SFMBT2: variants seen among roughly 807,000 people sequenced by gnomAD.
SFMBT2 encodes the protein Scm like with four mbt domains 2, also known as scm-like with four MBT domains protein 2.
SFMBT2 carries 38 observed loss-of-function variants against 110.1 expected under a neutral mutation model. The ratio of observed to expected loss-of-function variants is 0.35; its 90% CI spans 0.27 to 0.45. SFMBT2 has a LOEUF of 0.45. Ranked by LOEUF, SFMBT2 falls within the 20% of genes least tolerant of loss-of-function variation. The probability of loss-of-function intolerance (pLI) is 1.00; values close to 1 mark genes in which losing one functional copy is unlikely to be tolerated. For synonymous variants in SFMBT2, 425 were observed against 425.4 expected, an observed-to-expected ratio of 1.00 and a Z score of 0.01; for missense variants, 1,011 against 1,094.9, an observed-to-expected ratio of 0.92 and a Z score of 1.08.
chr10:7,179,391 G>GAAAA (rs57497418), intron 16 of SFMBT2, among the ~76,000 whole-genome samples: 3 of 70,300 alleles, frequency 4.3e-5, no homozygotes, highest in African/African-American at 5.3e-5. Context: ...TTGCATTTTC[G>GAAAA]AAAAAAAAAA....
intron 4 of SFMBT2, among the ~76,000 whole-genome samples, chr10:7,306,555 C>T (rs963689173): frequency 1.3e-5 from 2 of 152,074 alleles, no homozygotes; most frequent in Admixed American, 6.5e-5. Context: ...CGCTAACCCC[C>T]GCTGTAGAGT....
chr10:7,219,609 A>G, intron 11 of SFMBT2: 1 of 268,106 alleles, frequency 3.7e-6, no homozygotes. Flanking sequence ...CATAAGATTT[A>G]AACTATGAAC....
rs144072360 is a variant in SFMBT2, at chr10:7,225,959, G to C, written c.1203+1896C>G. Among the ~76,000 whole-genome samples the C allele has an allele frequency of 1.9e-3, 287 of 152,298 alleles. 4 individuals carry two copies. The highest frequency in any genetic ancestry group is 6.6e-3 in the African/African-American group (275 of 41,574). On this transcript the variant is annotated intron_variant, in intron 10 of 20. Transcript: ENST00000397167. ...TACGGTGAGAAGTCAAGACAGCACA[G>C]GACATCAAAGCTTTCAGAGTTAACC...
chr10:7,378,767 C>T (rs536848908), intron 2 of SFMBT2, among the ~76,000 whole-genome samples: 2 of 94,932 alleles, frequency 2.1e-5, no homozygotes, highest in East Asian at 3.5e-4. Flanking sequence ...GGGTGTGTCG[C>T]TGTGGGGTGG....
intron 10 of SFMBT2, 66 bp downstream of exon 10, chr10:7,227,789 G>T: frequency 7.1e-7 from 1 of 1,411,056 alleles, no homozygotes; most frequent in Non-Finnish European, 9.9e-7. Flanking sequence ...TAAAAAGCAA[G>T]TTATAAAACT....
At position 7,336,676 on chromosome 10, in the gene SFMBT2, TCA is replaced by T. The variant is rs1441825079; in HGVS notation, c.436+30971_436+30972del. On this transcript the variant is annotated intron_variant, in intron 4 of 20. Transcript: ENST00000397167. ...CTCAATCAATCAATCAATCAATCAA[TCA>T]ATCAATCAGAGAGATCCGGATAGTG... is the stretch of plus-strand genomic sequence containing the variant. Among the ~76,000 whole-genome samples the T allele has an allele frequency of 5.9e-5, 9 of 151,932 alleles. No individual in the cohort carries two copies. In the East Asian group the frequency reaches 1.7e-3, roughly 29 times the overall value.
intron 4 of SFMBT2, chr10:7,329,399 G>A: frequency 3.1e-6 from 3 of 976,308 alleles, no homozygotes; most frequent in Non-Finnish European, 3.7e-6. Context: ...GCAGCCATCA[G>A]CGCAGCACAG....
chr10:7,303,509 C>G (rs200053791), intron 4 of SFMBT2, among the ~76,000 whole-genome samples: 1 of 151,612 alleles, frequency 6.6e-6, no homozygotes, highest in Admixed American at 6.6e-5. Flanking sequence ...GAGAGAGAGA[C>G]AGAGAGACAG....
At chr10:7,284,215 G>A in intron 5 of SFMBT2, 65 bp from the exon 6 acceptor site, 8 of 1,564,338 alleles carry the variant, frequency 5.1e-6, no homozygotes, top group Non-Finnish European at 6.9e-6. Context: ...GGAAACAGAT[G>A]ACAGCAGAAG....
intron 7 of SFMBT2, among the ~76,000 whole-genome samples, chr10:7,261,431 T>C (rs543373410): frequency 6.6e-6 from 1 of 152,286 alleles, no homozygotes; most frequent in African/African-American, 2.4e-5. Flanking sequence ...AGACCTGCAG[T>C]CTCTCAGAAT....
intron 4 of SFMBT2, among the ~76,000 whole-genome samples, chr10:7,359,757 T>C (rs780675756): frequency 6.6e-5 from 10 of 152,244 alleles, no homozygotes; most frequent in Admixed American, 2.0e-4. Context: ...GAAAATATTC[T>C]GGACAGCAGC....
intron 9 of SFMBT2, among the ~76,000 whole-genome samples, chr10:7,238,145 G>A (rs1272439516): frequency 2.0e-5 from 3 of 152,142 alleles, no homozygotes; most frequent in East Asian, 1.9e-4. Context: ...GTTCTAACAC[G>A]ATCGATCTGA....
chr10:7,314,960 AAGAG>A (rs771791946), intron 4 of SFMBT2, among the ~76,000 whole-genome samples: 90 of 148,474 alleles, frequency 6.1e-4, no homozygotes, highest in East Asian at 9.8e-4. Flanking sequence ...AGAGAAAGAA[AAGAG>A]AGAGAGAGAG....
chr10:7,175,759 T>TA (rs3216735), intron 17 of SFMBT2, among the ~76,000 whole-genome samples: 80,594 of 151,944 alleles, frequency 0.53, 24,549 homozygotes, highest in East Asian at 0.76. Context: ...TTCCAAGGCC[T>TA]ACCAATGAAA....
At chr10:7,365,337 G>A (rs573522297) in intron 4 of SFMBT2, among the ~76,000 whole-genome samples, 7 of 152,292 alleles carry the variant, frequency 4.6e-5, no homozygotes, top group Admixed American at 2.0e-4. Flanking sequence ...TCCTCCTTTC[G>A]TAACAATGAC....
chr10:7,317,042 C>T (rs1375864798), intron 4 of SFMBT2, among the ~76,000 whole-genome samples: 2 of 152,190 alleles, frequency 1.3e-5, no homozygotes, highest in Non-Finnish European at 2.9e-5. Context: ...ATACTTCCTT[C>T]TAAAATTCTG....
chr10:7,166,671 C>T (rs1038016857), intron 20 of SFMBT2, among the ~76,000 whole-genome samples: 135 of 152,176 alleles, frequency 8.9e-4, no homozygotes, highest in Middle Eastern at 3.4e-3. Context: ...GCTAAGGGCT[C>T]AAACAGGACA....
intron 2 of SFMBT2, among the ~76,000 whole-genome samples, chr10:7,375,501 G>GTATT (rs1554811546): frequency 2.6e-4 from 39 of 151,882 alleles, no homozygotes; most frequent in Non-Finnish European, 4.9e-4. Context: ...AAGACATTAA[G>GTATT]TCTTTCTTCT....
intron 1 of SFMBT2, among the ~76,000 whole-genome samples, chr10:7,398,959 T>A (rs768691518): frequency 6.6e-6 from 1 of 152,210 alleles, no homozygotes; most frequent in Non-Finnish European, 1.5e-5. Flanking sequence ...GGGCATAATT[T>A]TCTGGGTGGA....
Sources: allele counts gnomAD v4.1 joint callset (sites outside exome capture counted in the v4.1 genomes callset), GRCh38; gene constraint gnomAD v4.1.1; transcripts MANE v1.5; gene names NCBI Gene and HGNC (gene_info 2026-07-23, HGNC 2026-07-21).